The following GIPR variants were observed in gnomAD, a reference collection of about 807,000 sequenced individuals.
GIPR encodes gastric inhibitory polypeptide receptor.
A neutral mutation model predicts 62.2 loss-of-function variants in GIPR; 74 were observed. The observed-to-expected ratio is 1.19, with a 90% CI of 0.99 to 1.44. The LOEUF (loss-of-function observed/expected upper bound fraction) is 1.44, where lower values mean the gene tolerates loss of function less well. GIPR is among the 40% of genes most tolerant of loss of function. The pLI, the probability that GIPR is intolerant of heterozygous loss-of-function variation, is 0.00. For missense variants in GIPR, 664 were observed against 611.8 expected, an observed-to-expected ratio of 1.09 and a Z score of -0.90; for synonymous variants, 256 against 262.2, an observed-to-expected ratio of 0.98 and a Z score of 0.23.
At chr19:45,670,417 A>C in intron 2 of GIPR, 1 of 443,618 alleles carries the variant, frequency 2.3e-6, no homozygotes. Flanking sequence ...CCCCTCCCCA[A>C]TTTTCTTGAA....
intron 3 of GIPR, 101 bp downstream of exon 3, chr19:45,670,835 G>A: frequency 1.3e-6 from 1 of 744,982 alleles, no homozygotes; most frequent in Admixed American, 2.4e-5. Context: ...ATCTCGGGGC[G>A]CTGTGGGCTG....
Position 45,677,709 on chromosome 19 carries a change from G to A in GIPR, c.855-1G>A. The stretch of plus-strand genomic sequence containing the variant: ...TCTTAGCTCTACTCCGCCTTCCCCA[G>A]GTGCTGGGAGCGCAACGAAGTCAAG... On this transcript the variant is annotated splice_acceptor_variant, in intron 9 of 13. Transcript: ENST00000590918. LOFTEE classifies it high-confidence loss of function. 5.0e-6 allele frequency: 8 copies of A among 1,611,894 alleles called. No individual in the cohort carries two copies. Among genetic ancestry groups the A allele is most frequent in the Non-Finnish European group, 6.8e-6 (8 of 1,177,990 alleles).
At chr19:45,671,171 C>T in intron 3 of GIPR, 114 bp from the exon 4 acceptor site, 1 of 742,342 alleles carries the variant, frequency 1.3e-6, no homozygotes, top group Non-Finnish European at 2.4e-6. Flanking sequence ...CTTGGTGTGG[C>T]CGGCGGAGAA....
At chr19:45,681,542 C>A (rs903338737) in intron 12 of GIPR, 62 bp from the exon 13 acceptor site, 2 of 1,356,068 alleles carry the variant, frequency 1.5e-6, no homozygotes. Flanking sequence ...GGGAGGGAGG[C>A]GCGGAGGCGG....
chr19:45,681,606 C>T lies in GIPR; in HGVS notation c.1155C>T (p.Gly385=), dbSNP rs1379430327. The change falls in exon 13 of 14, where the codon GGC becomes GGT. Residue 385 remains glycine (G), a splice_region_variant and synonymous_variant. Coordinates refer to ENST00000590918, the MANE Select transcript of GIPR (RefSeq NM_000164.4). ...GFEIFLSSFQ[G]FLVSVLYCFI... ...ACCTCCGCGCCTCCTCTGGGCAGGG[C>T]TTCCTGGTCAGCGTCCTCTACTGCT... 1.2e-6 allele frequency: 2 copies of T among 1,613,686 alleles called. No homozygotes were observed. Among genetic ancestry groups the T allele is most frequent in the Admixed American group, 3.3e-5 (2 of 60,012 alleles).
In GIPR at chr19:45,678,002, C is replaced by A. The variant is rs530556038; in HGVS notation, c.1013+8C>A. On this transcript the variant is annotated splice_region_variant and intron_variant, in intron 11 of 13. Transcript: ENST00000590918. ...CCGGGATTACCGGCTGAGGTGAGGG[C>A]ATGCGTTGGGGACCGAGGGGAAGGG... 13 of 1,613,326 alleles carry A rather than the reference C, an allele frequency of 8.1e-6. No individual in the cohort carries two copies. In the Admixed American group the frequency reaches 8.3e-5, roughly 10 times the overall value.
chr19:45,682,302 C>T lies in GIPR; in HGVS notation c.*367C>T, dbSNP rs1250688908. 1 of 253,508 alleles carries T rather than the reference C, an allele frequency of 3.9e-6. No homozygotes were observed. Among genetic ancestry groups the T allele is most frequent in the Non-Finnish European group, 7.6e-6 (1 of 131,762 alleles). 15.7% of individuals were successfully genotyped at this position (253,508 alleles called of 1,614,324 possible). A position where few individuals can be genotyped will look rare whatever the true frequency, so the allele number is the denominator to read the frequency against. ...GCAAAGGCCCTTGGGCAGGAAGGCG[C>T]TCAGCCTTGGCTGGAGTAGAATTAA... On this transcript the variant is annotated 3_prime_UTR_variant, in exon 14 of 14. Coordinates refer to ENST00000590918, the MANE Select transcript of GIPR (RefSeq NM_000164.4).
intron 12 of GIPR, among the ~76,000 whole-genome samples, chr19:45,678,657 C>T (rs192105908): frequency 5.9e-4 from 90 of 152,324 alleles, no homozygotes; most frequent in African/African-American, 2.0e-3. Flanking sequence ...GCCATGGCGC[C>T]CAGCCCGTTC....
rs1344710050 is a variant in GIPR, at chr19:45,678,172, G to A, written c.1098G>A (p.Arg366=). The A allele has an allele frequency of 6.2e-7, 1 of 1,602,314 alleles. No individual in the cohort carries two copies. Among genetic ancestry groups the A allele is most frequent in the Non-Finnish European group, 8.5e-7 (1 of 1,175,286 alleles). ...CTCCCGTGACAGAGGAACAGGCCCG[G>A]GGCGCCCTGCGCTTCGCCAAGCTCG... ...VFAPVTEEQA[R]GALRFAKLGF... Residue 366 remains arginine, a synonymous_variant, in exon 12 of 14, where the codon CGG becomes CGA. Coordinates refer to ENST00000590918, the MANE Select transcript of GIPR (RefSeq NM_000164.4).
At chr19:45,674,871 C>T in intron 7 of GIPR, 45 bp downstream of exon 7, 1 of 1,582,956 alleles carries the variant, frequency 6.3e-7, no homozygotes, top group Non-Finnish European at 8.7e-7. Context: ...TCTTGCTTCT[C>T]TGGTGGGACC....
intron 3 of GIPR, among the ~76,000 whole-genome samples, 189 bp from the exon 4 acceptor site, chr19:45,671,096 G>A (rs999573977): frequency 1.3e-5 from 2 of 152,104 alleles, no homozygotes; most frequent in Non-Finnish European, 2.9e-5. Flanking sequence ...CTTTGAGGCT[G>A]GTGGGAGGAG....
intron 2 of GIPR, chr19:45,670,430 T>C: frequency 2.2e-6 from 1 of 457,054 alleles, no homozygotes; most frequent in Non-Finnish European, 4.0e-6. Flanking sequence ...TTCTTGAAGG[T>C]TTTCAGTCTC....
Position 45,676,959 on chromosome 19 carries a change from C to T in GIPR, c.644C>T (p.Ala215Val). ...CTGGCCCCTCCCTAGGCCCTCGCTG[C>T]CTGCCGCACGGCCCAGATCGTGACC... is the stretch of plus-strand genomic sequence containing the variant. ...ALALWNQALA[A>V]CRTAQIVTQY... The change falls in exon 8 of 14, where the codon GCC becomes GTC. Residue 215 changes from alanine (A) to valine (V), a missense_variant. Transcript: ENST00000590918. 1 of 1,614,028 alleles carries T rather than the reference C, an allele frequency of 6.2e-7. No homozygotes were observed. The highest frequency in any genetic ancestry group is 8.5e-7 in the Non-Finnish European group (1 of 1,180,006).
At chr19:45,669,717 G>C (rs919947858) in intron 2 of GIPR, 125 bp downstream of exon 2, 3 of 1,320,920 alleles carry the variant, frequency 2.3e-6, no homozygotes, top group South Asian at 1.4e-5. Context: ...AGGCCGAAGC[G>C]GGTGGATCAC....
rs768273981 is a variant in GIPR, at chr19:45,677,109, G to T, written c.793+1G>T. ...CGCTACTACCTGCTCCTCGGCTGGG[G>T]TGAGCTCCGATCCCGTCCCCCGCCC... is the stretch of plus-strand genomic sequence containing the variant. On this transcript the variant is annotated splice_donor_variant, in intron 8 of 13. Transcript: ENST00000590918. LOFTEE classifies it high-confidence loss of function. 12 of 1,613,062 alleles carry T rather than the reference G, an allele frequency of 7.4e-6. No individual in the cohort carries two copies. The African/African-American group carries it at 1.3e-4, about 18-fold the overall frequency.
chr19:45,675,000 T>G, intron 7 of GIPR, 174 bp downstream of exon 7: 1 of 629,642 alleles, frequency 1.6e-6, no homozygotes, highest in Non-Finnish European at 2.9e-6. Flanking sequence ...AGAGGGAACC[T>G]CCCAACTCGG....
In GIPR at chr19:45,678,535, G is replaced by A. The variant is rs201748272; in HGVS notation, c.1152+309G>A. On this transcript the variant is annotated intron_variant, in intron 12 of 13. Coordinates refer to ENST00000590918, the MANE Select transcript of GIPR (RefSeq NM_000164.4). ...TGTGCGACAACACCTGGCTAATTTT[G>A]TATTTTTAGTAGAGGCGGGGTTTCA... 1.2e-5 allele frequency: 5 copies of A among 425,918 alleles called. No individual in the cohort carries two copies. The East Asian group carries it at 2.6e-4, about 22-fold the overall frequency. The allele number at this position is 425,918 out of a possible 1,614,324, so 26.4% of individuals were successfully genotyped here.
Position 45,669,494 on chromosome 19 carries a change from C to G in GIPR, c.-27C>G, listed in dbSNP as rs1479046009. On this transcript the variant is annotated 5_prime_UTR_variant, in exon 2 of 14. Coordinates refer to ENST00000590918, the MANE Select transcript of GIPR (RefSeq NM_000164.4). Reference sequence around the variant, plus strand: ...CCCTCCAGGCCTGATCGCCCCTGCACGAACCAGACCCTTCGCCGCCCTCAC... The same window carrying G: ...CCCTCCAGGCCTGATCGCCCCTGCAGGAACCAGACCCTTCGCCGCCCTCAC... 1 of 1,561,334 alleles carries G rather than the reference C, an allele frequency of 6.4e-7. No individual in the cohort carries two copies. The highest frequency in any genetic ancestry group is 8.6e-7 in the Non-Finnish European group (1 of 1,156,412).
At chr19:45,680,032 A>C (rs571575337) in intron 12 of GIPR, among the ~76,000 whole-genome samples, 3 of 151,994 alleles carry the variant, frequency 2.0e-5, no homozygotes, top group Non-Finnish European at 4.4e-5. Flanking sequence ...AGCCTCCCAA[A>C]GCGCCGGGAT....
Sources: allele counts gnomAD v4.1 joint callset (sites outside exome capture counted in the v4.1 genomes callset), GRCh38; gene constraint gnomAD v4.1.1; transcripts MANE v1.5; gene names NCBI Gene and HGNC (gene_info 2026-07-23, HGNC 2026-07-21).